The following FYN variants were observed in gnomAD, a reference collection of about 807,000 sequenced individuals.
FYN encodes the protein tyrosine-protein kinase Fyn.
Under a neutral mutation model 70.2 loss-of-function variants are expected in FYN, and 10 were observed. The observed-to-expected ratio is 0.14, with a 90% CI of 0.09 to 0.24. The LOEUF is 0.24. Ranked by LOEUF, FYN falls within the 10% of genes least tolerant of loss-of-function variation. FYN has a pLI of 1.00. For missense variants in FYN, 319 were observed against 673.1 expected (o/e 0.47, Z 5.82); for synonymous variants, 236 against 248.6 (o/e 0.95, Z 0.48).
chr6:111,787,948 C>T (rs1342322876), intron 2 of FYN, among the ~76,000 whole-genome samples: 2 of 152,220 alleles, frequency 1.3e-5, no homozygotes, highest in East Asian at 1.9e-4. Context: ...CCACATCAGC[C>T]GTATCTTTCA....
intron 1 of FYN, among the ~76,000 whole-genome samples, chr6:111,861,151 A>G (rs1562548978): frequency 6.6e-6 from 1 of 152,016 alleles, no homozygotes; most frequent in African/African-American, 2.4e-5. Flanking sequence ...CATATGTAAA[A>G]CCTCCCAACT....
At chr6:111,741,405 T>A (rs1200721166) in intron 3 of FYN, among the ~76,000 whole-genome samples, 1 of 152,180 alleles carries the variant, frequency 6.6e-6, no homozygotes. Context: ...CACAGAGTAA[T>A]GCATACGTGT....
At chr6:111,755,765 T>C (rs935322428) in intron 3 of FYN, among the ~76,000 whole-genome samples, 1 of 152,200 alleles carries the variant, frequency 6.6e-6, no homozygotes, top group Admixed American at 6.5e-5. Context: ...ATGATGCTGC[T>C]AATAAAACTC....
intron 2 of FYN, among the ~76,000 whole-genome samples, chr6:111,834,696 T>C (rs949596353): frequency 6.6e-6 from 1 of 152,110 alleles, no homozygotes; most frequent in African/African-American, 2.4e-5. Context: ...TTTTGCTGAG[T>C]TGTACTCAGG....
At chr6:111,777,608 C>T (rs1166440818) in intron 3 of FYN, among the ~76,000 whole-genome samples, 1 of 152,126 alleles carries the variant, frequency 6.6e-6, no homozygotes, top group Non-Finnish European at 1.5e-5. Flanking sequence ...AAAATGGCTT[C>T]AGATATTACC....
At chr6:111,851,137 G>T (rs1166949750) in intron 1 of FYN, among the ~76,000 whole-genome samples, 1 of 152,190 alleles carries the variant, frequency 6.6e-6, no homozygotes, top group African/African-American at 2.4e-5. Flanking sequence ...TACCCCAGGG[G>T]CATCTAGGGG....
chr6:111,793,819 A>T (rs1771714809), intron 2 of FYN: 1 of 152,106 alleles, frequency 6.6e-6, no homozygotes, highest in South Asian at 2.1e-4. Context: ...CTACCACTGA[A>T]ATAAATCCCT....
intron 3 of FYN, among the ~76,000 whole-genome samples, chr6:111,749,139 T>G (rs1278859035): frequency 1.3e-5 from 2 of 152,234 alleles, no homozygotes; most frequent in Non-Finnish European, 2.9e-5. Context: ...ACACTTCTTC[T>G]AGTGCTGACA....
chr6:111,767,557 C>T (rs1418933960), intron 3 of FYN, among the ~76,000 whole-genome samples: 3 of 152,132 alleles, frequency 2.0e-5, no homozygotes, highest in African/African-American at 7.2e-5. Flanking sequence ...TGCACCACCA[C>T]ACCCAGCTAA....
intron 5 of FYN, among the ~76,000 whole-genome samples, chr6:111,710,416 G>A (rs1800313372): frequency 6.6e-6 from 1 of 152,046 alleles, no homozygotes; most frequent in Non-Finnish European, 1.5e-5. Context: ...TTTGGTCTAG[G>A]TACCTAAATA....
intron 3 of FYN, among the ~76,000 whole-genome samples, chr6:111,739,503 G>A (rs1021440229): frequency 2.6e-5 from 4 of 152,340 alleles, no homozygotes; most frequent in Admixed American, 6.5e-5. Flanking sequence ...CTGCCCAGCC[G>A]CCTGTCTCAT....
At chr6:111,744,176 G>A (rs567796594) in intron 3 of FYN, among the ~76,000 whole-genome samples, 1 of 152,322 alleles carries the variant, frequency 6.6e-6, no homozygotes, top group East Asian at 1.9e-4. Context: ...ACTGTTAAAT[G>A]TTTGCTTTTA....
At chr6:111,869,574 C>T (rs1047711540) in intron 1 of FYN, among the ~76,000 whole-genome samples, 33 of 152,068 alleles carry the variant, frequency 2.2e-4, no homozygotes. Flanking sequence ...AAAGATTTTT[C>T]GTGGAGACGA....
chr6:111,844,880 T>C (rs2114473088), intron 2 of FYN: 1 of 152,374 alleles, frequency 6.6e-6, no homozygotes, highest in South Asian at 2.1e-4. Flanking sequence ...TTTGTGTTTT[T>C]CAATTTAAAA....
At chr6:111,839,998 C>T (rs949755654) in intron 2 of FYN, among the ~76,000 whole-genome samples, 1 of 152,288 alleles carries the variant, frequency 6.6e-6, no homozygotes, top group South Asian at 2.1e-4. Context: ...TTACATAAAC[C>T]TCAATCTGAG....
intron 2 of FYN, among the ~76,000 whole-genome samples, chr6:111,792,852 A>G (rs1311810559): frequency 1.3e-5 from 2 of 152,182 alleles, no homozygotes; most frequent in Non-Finnish European, 2.9e-5. Flanking sequence ...AAGTCATGCT[A>G]TCAGTTACCC....
chr6:111,767,231 T>C (rs572171276), intron 3 of FYN, among the ~76,000 whole-genome samples: 23 of 152,292 alleles, frequency 1.5e-4, no homozygotes, highest in African/African-American at 4.6e-4. Flanking sequence ...TTCAGGTATA[T>C]TGAAAAACAA....
At chr6:111,749,309 T>C (rs1046185857) in intron 3 of FYN, among the ~76,000 whole-genome samples, 5 of 152,190 alleles carry the variant, frequency 3.3e-5, no homozygotes, top group African/African-American at 1.2e-4. Context: ...ACAGCTAAAA[T>C]TGAATGGCAA....
At chr6:111,821,396 T>C (rs1772657031) in intron 2 of FYN, among the ~76,000 whole-genome samples, 1 of 152,192 alleles carries the variant, frequency 6.6e-6, no homozygotes. Flanking sequence ...GGATTCCCTA[T>C]TTAATAAATG....
Sources: allele counts gnomAD v4.1 joint callset (sites outside exome capture counted in the v4.1 genomes callset), GRCh38; gene constraint gnomAD v4.1.1; transcripts MANE v1.5; gene names NCBI Gene and HGNC (gene_info 2026-07-23, HGNC 2026-07-21).